P4HA2: variants seen among roughly 807,000 people sequenced by gnomAD.
P4HA2 encodes the protein prolyl 4-hydroxylase subunit alpha-2.
In P4HA2, 46 loss-of-function variants were observed where a neutral mutation model predicts 76.9. The ratio of observed to expected loss-of-function variants is 0.60; its 90% CI spans 0.47 to 0.76. The LOEUF (loss-of-function observed/expected upper bound fraction) is 0.76, where lower values mean the gene tolerates loss of function less well. P4HA2 is among the 30% of genes least tolerant of loss of function. P4HA2 has a pLI of 0.00. For missense variants in P4HA2, 583 were observed against 669.4 expected, an observed-to-expected ratio of 0.87 and a Z score of 1.42; for synonymous variants, 243 against 254.0, an observed-to-expected ratio of 0.96 and a Z score of 0.41.
Position 132,198,333 on chromosome 5 carries a change from C to T in P4HA2, c.1353G>A (p.Thr451=), listed in dbSNP as rs200773439. 3.4e-5 allele frequency: 55 copies of T among 1,614,062 alleles called. No homozygotes were observed. In the East Asian group the frequency reaches 1.1e-3, roughly 31 times the overall value. ...ACCCAGTACTTACGTAGTTAAGAAA[C>T]GTCGCTAACCTATTCCCCTCTGTTT... ...GLKTEGNRLA[T]FLNYMSDVEA... is the part of the protein sequence containing the mutation. The change falls in exon 12 of 15, where the codon ACG becomes ACA. Residue 451 remains threonine (T), a synonymous_variant. Transcript: ENST00000360568.
Position 132,204,223 on chromosome 5 carries a change from G to T in P4HA2, c.1081-71C>A, listed in dbSNP as rs550408071. 5.7e-6 allele frequency: 7 copies of T among 1,230,340 alleles called. No individual in the cohort carries two copies. The African/African-American group carries it at 8.8e-5, about 16-fold the overall frequency. 76.2% of individuals were successfully genotyped at this position (1,230,340 alleles called of 1,614,324 possible). A position where few individuals can be genotyped will look rare whatever the true frequency, so the allele number is the denominator to read the frequency against. On this transcript the variant is annotated intron_variant, in intron 8 of 14. Coordinates refer to ENST00000360568, the MANE Select transcript of P4HA2 (RefSeq NM_001017974.2). ...GTTTTGCCTTGAATATTTTCCCAGA[G>T]AGCACTGGGACCAGATTTACTGCCA...
intron 2 of P4HA2, 143 bp from the exon 3 acceptor site, chr5:132,217,991 G>C: frequency 1.7e-6 from 1 of 575,062 alleles, no homozygotes; most frequent in Non-Finnish European, 3.1e-6. Flanking sequence ...GGGACTTGGA[G>C]TTAAAGGGGG....
Position 132,191,539 on chromosome 5 carries a change from A to C in P4HA2, c.*1471T>G, listed in dbSNP as rs927617726. 7.0e-6 allele frequency among the ~76,000 whole-genome samples: 1 copy of C among 143,758 alleles called. No homozygotes were observed. Among genetic ancestry groups the C allele is most frequent in the East Asian group, 2.1e-4 (1 of 4,830 alleles). 94.3% of individuals were successfully genotyped at this position (143,758 alleles called of 152,430 possible). ...AAAAAAAAAAAAAAAAAAAGATTTCAACATATGAATCTGGTGGGGGGACAC... is the reference window on the plus strand; with the variant it reads ...AAAAAAAAAAAAAAAAAAAGATTTCCACATATGAATCTGGTGGGGGGACAC... On this transcript the variant is annotated 3_prime_UTR_variant, in exon 15 of 15. Transcript: ENST00000360568.
intron 14 of P4HA2, among the ~76,000 whole-genome samples, chr5:132,193,870 A>G (rs1750203264): frequency 6.6e-6 from 1 of 152,212 alleles, no homozygotes; most frequent in South Asian, 2.1e-4. Flanking sequence ...AGCTTTTAAA[A>G]TATAAAGTAA....
chr5:132,204,846 C>T (rs1400339084), intron 8 of P4HA2, among the ~76,000 whole-genome samples: 1 of 152,212 alleles, frequency 6.6e-6, no homozygotes, highest in Non-Finnish European at 1.5e-5. Context: ...ACATGCACTC[C>T]CTGCATCTAC....
Position 132,224,422 on chromosome 5 carries a change from T to G in P4HA2, c.-19+3368A>C, listed in dbSNP as rs115113803. 4.5e-3 allele frequency among the ~76,000 whole-genome samples: 683 copies of G among 152,322 alleles called. 1 individual carries two copies. Among genetic ancestry groups the G allele is most frequent in the Non-Finnish European group, 7.3e-3 (499 of 68,028 alleles). On this transcript the variant is annotated intron_variant, in intron 1 of 14. Coordinates refer to ENST00000360568, the MANE Select transcript of P4HA2 (RefSeq NM_001017974.2). Reference sequence around the variant, plus strand: ...CACTAGGCATAATTTATGTCAATCATTAGTACCAAGGGCACCAGAGAAACA... The same window carrying G: ...CACTAGGCATAATTTATGTCAATCAGTAGTACCAAGGGCACCAGAGAAACA...
At chr5:132,225,646 C>A (rs76352730) in intron 1 of P4HA2, among the ~76,000 whole-genome samples, 2,805 of 152,320 alleles carry the variant, frequency 0.018, 74 homozygotes, top group African/African-American at 0.065. Context: ...TCCTCTCTCT[C>A]GTCCCTCATT....
At chr5:132,193,379 T>A (rs1314705377) in intron 14 of P4HA2, 1 of 196,208 alleles carries the variant, frequency 5.1e-6, no homozygotes, top group Non-Finnish European at 1.0e-5. Flanking sequence ...TTTGGCTCTA[T>A]TCCCATGGCA....
intron 1 of P4HA2, among the ~76,000 whole-genome samples, chr5:132,225,902 T>C (rs1206297122): frequency 1.3e-5 from 2 of 152,180 alleles, no homozygotes; most frequent in Admixed American, 6.5e-5. Context: ...ACAGCATCTT[T>C]GGGATGAGGC....
intron 5 of P4HA2, among the ~76,000 whole-genome samples, chr5:132,211,119 C>T (rs1753026073): frequency 6.6e-6 from 1 of 152,120 alleles, no homozygotes; most frequent in Non-Finnish European, 1.5e-5. Flanking sequence ...CAAGGGAGGC[C>T]AAGAGCCAAG....
At position 132,198,861 on chromosome 5, in the gene P4HA2, C is replaced by T. The variant is rs1751079851; in HGVS notation, c.1305+18G>A. On this transcript the variant is annotated intron_variant, in intron 11 of 14. Transcript: ENST00000360568. ...CTAGAGCAGGGCCCTTTGAAAGCAC[C>T]TGTGATTTAGGCCTTACCCTAGAGA... is the stretch of plus-strand genomic sequence containing the variant. 1 of 1,589,450 alleles carries T rather than the reference C, an allele frequency of 6.3e-7. No individual in the cohort carries two copies. The highest frequency in any genetic ancestry group is 8.6e-7 in the Non-Finnish European group (1 of 1,157,472).
chr5:132,210,235 C>A, intron 6 of P4HA2, 49 bp downstream of exon 6: 1 of 1,606,900 alleles, frequency 6.2e-7, no homozygotes, highest in South Asian at 1.1e-5. Context: ...CAGTGCAGTT[C>A]CTCTGCCACT....
chr5:132,203,971 G>A (rs1751853296), intron 9 of P4HA2, 111 bp downstream of exon 9: 8 of 1,128,510 alleles, frequency 7.1e-6, no homozygotes, highest in Admixed American at 6.8e-5. Flanking sequence ...CTGCAAGGGG[G>A]TGAGGAGGTG....
intron 1 of P4HA2, among the ~76,000 whole-genome samples, chr5:132,223,008 C>T (rs879821852): frequency 6.6e-6 from 1 of 152,234 alleles, no homozygotes; most frequent in Non-Finnish European, 1.5e-5. Flanking sequence ...ATGCATCTTA[C>T]GTCCCACCTT....
chr5:132,225,095 T>TAC lies in P4HA2; in HGVS notation c.-19+2694_-19+2695insGT, dbSNP rs142282170. 4.9e-3 allele frequency among the ~76,000 whole-genome samples: 733 copies of TAC among 150,612 alleles called. 28 individuals carry two copies. Among genetic ancestry groups the TAC allele is most frequent in the Admixed American group, 0.042 (630 of 15,120 alleles). ...CTGTCTTTCTATCTCTCATTCCATG[T>TAC]CCGTAACACAAAGCCCACAGACCAC... On this transcript the variant is annotated intron_variant, in intron 1 of 14. Transcript: ENST00000360568.
intron 1 of P4HA2, among the ~76,000 whole-genome samples, chr5:132,221,794 C>T (rs1235736808): frequency 1.3e-5 from 2 of 152,180 alleles, no homozygotes; most frequent in African/African-American, 2.4e-5. Context: ...AAACAGACTC[C>T]AAACGGGCCC....
chr5:132,197,726 C>CCATT (rs1750864868), intron 12 of P4HA2, among the ~76,000 whole-genome samples: 1 of 151,846 alleles, frequency 6.6e-6, no homozygotes, highest in African/African-American at 2.4e-5. Context: ...TACTTTGATT[C>CCATT]CATTTATTTA....
intron 4 of P4HA2, among the ~76,000 whole-genome samples, chr5:132,214,989 A>G (rs1242445981): frequency 2.6e-5 from 4 of 152,200 alleles, no homozygotes; most frequent in Admixed American, 2.6e-4. Flanking sequence ...TCTGCCTCTA[A>G]GCTGAGAAGT....
At position 132,192,819 on chromosome 5, in the gene P4HA2, G is replaced by A. The variant is rs1365302147; in HGVS notation, c.*191C>T. The A allele has an allele frequency of 5.4e-6, 3 of 559,482 alleles. No homozygotes were observed. In the Admixed American group the frequency reaches 9.4e-5, roughly 17 times the overall value. The allele number at this position is 559,482 out of a possible 1,614,324, so 34.7% of individuals were successfully genotyped here. ...TGATCCTAGCCTTGGGGCCAGGGAT[G>A]GCACAGGCTGAATGGAAGGGCTGGG... On this transcript the variant is annotated 3_prime_UTR_variant, in exon 15 of 15. Transcript: ENST00000360568.
Sources: gnomAD v4.1 joint callset for allele counts (sites outside exome capture counted in the v4.1 genomes callset) on GRCh38, gnomAD v4.1.1 for gene constraint, MANE v1.5 for transcripts, NCBI Gene and HGNC (gene_info 2026-07-23, HGNC 2026-07-21) for gene names.